The following SLC22A23 variants were observed in gnomAD, a reference collection of about 807,000 sequenced individuals.
SLC22A23 encodes the protein solute carrier family 22 member 23.
Under a neutral mutation model 61.0 loss-of-function variants are expected in SLC22A23, and 26 were observed. That is an observed-to-expected ratio of 0.43 (90% confidence interval 0.31 to 0.59). SLC22A23 has a LOEUF of 0.59. SLC22A23 is among the 20% of genes least tolerant of loss of function. SLC22A23 has a pLI of 0.11. For missense variants in SLC22A23, 796 were observed against 934.7 expected, an observed-to-expected ratio of 0.85 and a Z score of 1.94; for synonymous variants, 430 against 413.9, an observed-to-expected ratio of 1.04 and a Z score of -0.47.
At position 3,366,643 on chromosome 6, in the gene SLC22A23, C is replaced by T. The variant is rs150675630; in HGVS notation, c.914-42641G>A. 4.8e-3 allele frequency among the ~76,000 whole-genome samples: 736 copies of T among 152,290 alleles called. 1 individual carries two copies. Among genetic ancestry groups the T allele is most frequent in the Middle Eastern group, 0.01 (3 of 294 alleles). On this transcript the variant is annotated intron_variant, in intron 3 of 9. Transcript: ENST00000406686. ...AAGCTATCTCATGTGGACAATACTT[C>T]TATGCGATCTATGTAATTGCTGAAG...
chr6:3,404,989 G>A (rs1015567042), intron 3 of SLC22A23, among the ~76,000 whole-genome samples: 6 of 151,838 alleles, frequency 4.0e-5, no homozygotes, highest in Middle Eastern at 3.2e-3. Flanking sequence ...GGCCAGGTGC[G>A]GTGGCTCATG....
At chr6:3,396,560 A>AC (rs1204036737) in intron 3 of SLC22A23, among the ~76,000 whole-genome samples, 3 of 152,134 alleles carry the variant, frequency 2.0e-5, no homozygotes, top group African/African-American at 7.2e-5. Flanking sequence ...AAACAAAACA[A>AC]AACAACAACA....
At chr6:3,296,928 C>T (rs1012695011) in intron 5 of SLC22A23, among the ~76,000 whole-genome samples, 6 of 152,216 alleles carry the variant, frequency 3.9e-5, no homozygotes, top group Non-Finnish European at 8.8e-5. Context: ...CATCCCTTCC[C>T]ATCGTAAATG....
chr6:3,407,600 C>T (rs753783462), intron 3 of SLC22A23, among the ~76,000 whole-genome samples: 21 of 152,322 alleles, frequency 1.4e-4, no homozygotes, highest in South Asian at 8.3e-4. Flanking sequence ...CAACAAACTC[C>T]GAGTCATCAT....
At chr6:3,335,711 G>A (rs1262330692) in intron 3 of SLC22A23, among the ~76,000 whole-genome samples, 1 of 152,094 alleles carries the variant, frequency 6.6e-6, no homozygotes, top group Non-Finnish European at 1.5e-5. Context: ...TCTATAGATT[G>A]GTGCCATTAT....
chr6:3,361,053 TACCC>T (rs765570598), intron 3 of SLC22A23, among the ~76,000 whole-genome samples: 33 of 121,090 alleles, frequency 2.7e-4, no homozygotes, highest in East Asian at 6.6e-4. Context: ...TTTCTATTTC[TACCC>T]ACCCCCCCCA....
intron 1 of SLC22A23, among the ~76,000 whole-genome samples, chr6:3,425,850 T>C (rs73720889): frequency 0.036 from 5,409 of 152,280 alleles, 330 homozygotes; most frequent in African/African-American, 0.12. Context: ...CTGTATCTGA[T>C]TGAAACTCAG....
chr6:3,352,192 C>T (rs1220412254), intron 3 of SLC22A23, among the ~76,000 whole-genome samples: 1 of 152,152 alleles, frequency 6.6e-6, no homozygotes, highest in Non-Finnish European at 1.5e-5. Context: ...GCCTCTTGTC[C>T]TGCTGCTCTG....
chr6:3,396,949 G>A (rs1768049468), intron 3 of SLC22A23, among the ~76,000 whole-genome samples: 1 of 152,148 alleles, frequency 6.6e-6, no homozygotes, highest in Admixed American at 6.5e-5. Flanking sequence ...ATAAGGCAGG[G>A]GTCTGACTGA....
chr6:3,453,138 C>T lies in SLC22A23; in HGVS notation c.654+2768G>A, dbSNP rs939725056. 3.0e-4 allele frequency among the ~76,000 whole-genome samples: 45 copies of T among 152,226 alleles called. 1 individual carries two copies. The highest frequency in any genetic ancestry group is 1.0e-3 in the African/African-American group (43 of 41,526). The stretch of plus-strand genomic sequence containing the variant: ...ATGCTTAAGAGACACACATGCCAAC[C>T]AGAGCGATAAGTATGGCAAATTTTT... On this transcript the variant is annotated intron_variant, in intron 1 of 9. Transcript: ENST00000406686.
chr6:3,394,184 T>C (rs1433236571), intron 3 of SLC22A23, among the ~76,000 whole-genome samples: 1 of 152,100 alleles, frequency 6.6e-6, no homozygotes, highest in Non-Finnish European at 1.5e-5. Context: ...GGCACTGTAA[T>C]ATCCCGGGAC....
intron 1 of SLC22A23, among the ~76,000 whole-genome samples, chr6:3,453,072 T>A (rs988447437): frequency 4.6e-5 from 7 of 152,028 alleles, no homozygotes; most frequent in African/African-American, 1.7e-4. Flanking sequence ...CCTCTTTGGG[T>A]TAGAACACAC....
intron 1 of SLC22A23, among the ~76,000 whole-genome samples, chr6:3,439,812 G>A (rs966945470): frequency 6.6e-6 from 1 of 152,178 alleles, no homozygotes; most frequent in African/African-American, 2.4e-5. Flanking sequence ...GGAAGAGGGA[G>A]CCAAGAAGGT....
chr6:3,410,880 G>C lies in SLC22A23; in HGVS notation c.759-538C>G, dbSNP rs1015456177. Among the ~76,000 whole-genome samples the C allele has an allele frequency of 6.6e-6, 1 of 152,194 alleles. No homozygotes were observed. The highest frequency in any genetic ancestry group is 1.5e-5 in the Non-Finnish European group (1 of 68,046). On this transcript the variant is annotated intron_variant, in intron 2 of 9. Coordinates refer to ENST00000406686, the MANE Select transcript of SLC22A23 (RefSeq NM_015482.2). The surrounding 1 kb of genome is among the most constrained non-coding windows in gnomAD (Gnocchi z 5.0). Reference sequence around the variant, plus strand: ...TGTCAATTTGTTTCAGCTACACGACGAGAAGTAATTTTTAAGGGATCACAC... The same window carrying C: ...TGTCAATTTGTTTCAGCTACACGACCAGAAGTAATTTTTAAGGGATCACAC...
Position 3,410,741 on chromosome 6 carries a change from T to C in SLC22A23, c.759-399A>G, listed in dbSNP as rs1581840376. ...GAAATCGTTGACCTTTGGGATTGGA[T>C]CAAAAGTCAACATGGTCACCAAGCA... On this transcript the variant is annotated intron_variant, in intron 2 of 9. Coordinates refer to ENST00000406686, the MANE Select transcript of SLC22A23 (RefSeq NM_015482.2). The surrounding 1 kb of genome is among the most constrained non-coding windows in gnomAD (Gnocchi z 5.0). Among the ~76,000 whole-genome samples, 1 of 152,142 alleles carries C rather than the reference T, an allele frequency of 6.6e-6. No homozygotes were observed. Among genetic ancestry groups the C allele is most frequent in the East Asian group, 1.9e-4 (1 of 5,204 alleles).
intron 3 of SLC22A23, among the ~76,000 whole-genome samples, chr6:3,408,750 G>A (rs1370270879): frequency 6.6e-6 from 1 of 152,196 alleles, no homozygotes; most frequent in African/African-American, 2.4e-5. Flanking sequence ...TCTCTGCAGA[G>A]CTCCTGAAGC....
intron 3 of SLC22A23, among the ~76,000 whole-genome samples, chr6:3,373,694 G>A (rs1047692242): frequency 6.6e-6 from 1 of 152,214 alleles, no homozygotes; most frequent in Non-Finnish European, 1.5e-5. Context: ...GGAGGAAGAA[G>A]AGGAGGAAGC....
chr6:3,343,749 C>T lies in SLC22A23; in HGVS notation c.914-19747G>A, dbSNP rs61291524. On this transcript the variant is annotated intron_variant, in intron 3 of 9. Coordinates refer to ENST00000406686, the MANE Select transcript of SLC22A23 (RefSeq NM_015482.2). ...TTGACTGATGACCTTGGGGAGCTGG[C>T]TGTATTTAAGAGAAGAGCCAATCAC... Among the ~76,000 whole-genome samples the T allele has an allele frequency of 6.6e-3, 1,004 of 152,280 alleles. 15 individuals are homozygous for T. The highest frequency in any genetic ancestry group is 0.023 in the African/African-American group (968 of 41,552).
In SLC22A23 at chr6:3,289,770, A is replaced by T; in HGVS notation, c.1307T>A (p.Val436Glu). Residue 436 changes from valine to glutamate, a missense_variant, in exon 6 of 10, where the codon GTG (valine) becomes GAG (glutamate). Val to Glu is a moderately radical substitution (Grantham distance 121). Transcript: ENST00000406686. ...CTTGTCCTCTGTGACTCACGAGTTC[A>T]CACACAGGACCACAATGTTCTTCCA... The part of the protein sequence containing the change: ...NLWKNIVVLC[V>E]NSLTGYGIHH... 6.2e-7 allele frequency: 1 copy of T among 1,613,670 alleles called. No homozygotes were observed. Among genetic ancestry groups the T allele is most frequent in the South Asian group, 1.1e-5 (1 of 91,058 alleles).
Sources: gnomAD v4.1 joint callset for allele counts (sites outside exome capture counted in the v4.1 genomes callset) on GRCh38, gnomAD v4.1.1 for gene constraint, Gnocchi (gnomAD v3.1) non-coding constraint, MANE v1.5 for transcripts, NCBI Gene and HGNC (gene_info 2026-07-23, HGNC 2026-07-21) for gene names.